UBE2E2: variants seen among roughly 807,000 people sequenced by gnomAD.
The protein encoded by UBE2E2 is ubiquitin-conjugating enzyme E2 E2.
A neutral mutation model predicts 24.7 loss-of-function variants in UBE2E2; 6 were observed. That is an observed-to-expected ratio of 0.24 (90% CI 0.13 to 0.48). The LOEUF (loss-of-function observed/expected upper bound fraction) is 0.48. Among genes scored for constraint, UBE2E2 ranks in the 20% least tolerant of loss-of-function variants. The pLI is 0.99. For synonymous variants in UBE2E2, 104 were observed against 83.6 expected, an observed-to-expected ratio of 1.24 and a Z score of -1.33; for missense variants, 169 against 245.0, an observed-to-expected ratio of 0.69 and a Z score of 2.07.
chr3:23,350,932 T>C (rs1240945097), intron 3 of UBE2E2, among the ~76,000 whole-genome samples: 1 of 152,116 alleles, frequency 6.6e-6, no homozygotes, highest in East Asian at 1.9e-4. Context: ...GACACATAAT[T>C]GTCAGATTCA....
chr3:23,276,826 AC>A (rs1190727772), intron 3 of UBE2E2, among the ~76,000 whole-genome samples: 1 of 151,810 alleles, frequency 6.6e-6, no homozygotes, highest in Admixed American at 6.6e-5. Flanking sequence ...GTGATTTGAG[AC>A]TATTATATAA....
At chr3:23,585,041 A>T (rs1382123679) in intron 5 of UBE2E2, among the ~76,000 whole-genome samples, 3 of 152,138 alleles carry the variant, frequency 2.0e-5, no homozygotes, top group Non-Finnish European at 4.4e-5. Flanking sequence ...TTACGCTTTC[A>T]TTCAGGTTAT....
At chr3:23,430,463 G>A (rs1204575583) in intron 3 of UBE2E2, among the ~76,000 whole-genome samples, 1 of 151,556 alleles carries the variant, frequency 6.6e-6, no homozygotes, top group Non-Finnish European at 1.5e-5. Context: ...ACAGTACCTG[G>A]CCCACATTAA....
At chr3:23,332,714 T>TGC (rs1473755580) in intron 3 of UBE2E2, among the ~76,000 whole-genome samples, 21 of 147,204 alleles carry the variant, frequency 1.4e-4, no homozygotes, top group Admixed American at 2.1e-4. Context: ...TGTGTGTGTG[T>TGC]GTGTGCAGCT....
At chr3:23,437,240 T>C (rs1392820241) in intron 3 of UBE2E2, among the ~76,000 whole-genome samples, 1 of 152,216 alleles carries the variant, frequency 6.6e-6, no homozygotes, top group African/African-American at 2.4e-5. Flanking sequence ...TGTCTGACTC[T>C]CTTTTTTCAG....
At chr3:23,315,404 G>A (rs1214636125) in intron 3 of UBE2E2, among the ~76,000 whole-genome samples, 1 of 149,232 alleles carries the variant, frequency 6.7e-6, no homozygotes, top group African/African-American at 2.5e-5. Context: ...ATTCTATTAT[G>A]AGACTGATAC....
At chr3:23,551,227 A>C (rs1451006590) in intron 5 of UBE2E2, among the ~76,000 whole-genome samples, 1 of 152,236 alleles carries the variant, frequency 6.6e-6, no homozygotes, top group Non-Finnish European at 1.5e-5. Context: ...ATTCATAACC[A>C]GTTGAAAAAT....
intron 3 of UBE2E2, among the ~76,000 whole-genome samples, chr3:23,388,040 C>A (rs1013041549): frequency 6.6e-6 from 1 of 152,128 alleles, no homozygotes; most frequent in African/African-American, 2.4e-5. Flanking sequence ...TAGTTTCAAG[C>A]AAATGGAATT....
chr3:23,498,664 A>G (rs1310575849), intron 3 of UBE2E2, among the ~76,000 whole-genome samples: 1 of 152,154 alleles, frequency 6.6e-6, no homozygotes, highest in Non-Finnish European at 1.5e-5. Context: ...CTTCCCTACA[A>G]GACCTATTGC....
intron 3 of UBE2E2, among the ~76,000 whole-genome samples, chr3:23,373,449 A>C (rs1391411040): frequency 6.6e-6 from 1 of 152,166 alleles, no homozygotes; most frequent in African/African-American, 2.4e-5. Context: ...AGATTCCACT[A>C]GTTTCATCTC....
At chr3:23,403,707 C>G (rs758462509) in intron 3 of UBE2E2, among the ~76,000 whole-genome samples, 1 of 151,612 alleles carries the variant, frequency 6.6e-6, no homozygotes, top group African/African-American at 2.4e-5. Flanking sequence ...GCCTGTAGTT[C>G]CAGCTACTCA....
chr3:23,523,231 G>A (rs1011980986), intron 4 of UBE2E2, among the ~76,000 whole-genome samples: 2 of 152,148 alleles, frequency 1.3e-5, no homozygotes, highest in African/African-American at 2.4e-5. Flanking sequence ...AGCATCCTGC[G>A]CTGTAGGAGT....
At chr3:23,505,632 A>G (rs1694429652) in intron 4 of UBE2E2, among the ~76,000 whole-genome samples, 1 of 152,224 alleles carries the variant, frequency 6.6e-6, no homozygotes, top group Non-Finnish European at 1.5e-5. Context: ...GATATTCAAA[A>G]TCTTTTAAAA....
At chr3:23,234,356 A>G (rs1170471523) in intron 3 of UBE2E2, among the ~76,000 whole-genome samples, 2 of 152,094 alleles carry the variant, frequency 1.3e-5, no homozygotes, top group Non-Finnish European at 2.9e-5. Flanking sequence ...ATTTTGGTTG[A>G]GCAGATCTTT....
At chr3:23,504,127 C>A (rs1196593028) in intron 4 of UBE2E2, among the ~76,000 whole-genome samples, 1 of 152,068 alleles carries the variant, frequency 6.6e-6, no homozygotes, top group Non-Finnish European at 1.5e-5. Context: ...CACGTACATG[C>A]CTGTACATAT....
At chr3:23,435,976 G>C (rs1433409699) in intron 3 of UBE2E2, among the ~76,000 whole-genome samples, 4 of 152,072 alleles carry the variant, frequency 2.6e-5, no homozygotes, top group Non-Finnish European at 2.9e-5. Context: ...TTCTCATAAG[G>C]AGCGCACAGT....
In UBE2E2 at chr3:23,217,172, G is replaced by A. The variant is rs1412201623; in HGVS notation, c.177-90G>A. 4 of 1,202,510 alleles carry A rather than the reference G, an allele frequency of 3.3e-6. No homozygotes were observed. The African/African-American group carries it at 4.6e-5, about 14-fold the overall frequency. 74.5% of individuals were successfully genotyped at this position (1,202,510 alleles called of 1,614,324 possible). ...GTATTTCAAACTAATATACCAAAGG[G>A]AAATGTTATTAAAATGTAACGTTTT... On this transcript the variant is annotated intron_variant, in intron 2 of 5. Transcript: ENST00000396703.
chr3:23,327,780 A>G (rs183162453), intron 3 of UBE2E2, among the ~76,000 whole-genome samples: 6 of 152,314 alleles, frequency 3.9e-5, no homozygotes, highest in South Asian at 2.1e-4. Context: ...AAACCTGCTC[A>G]TGAGGTTCAG....
intron 3 of UBE2E2, chr3:23,323,640 T>G: frequency 2.5e-6 from 1 of 396,434 alleles, no homozygotes; most frequent in Non-Finnish European, 5.0e-6. Flanking sequence ...TCCAAAACAC[T>G]TCTGGGGTTA....
Sources: allele counts gnomAD v4.1 joint callset (sites outside exome capture counted in the v4.1 genomes callset), GRCh38; gene constraint gnomAD v4.1.1; transcripts MANE v1.5; gene names NCBI Gene and HGNC (gene_info 2026-07-23, HGNC 2026-07-21).